ACSM6: variants seen among roughly 807,000 people sequenced by gnomAD.
ACSM6 encodes acyl-CoA synthetase medium chain family member 6, also known as acyl-coenzyme A synthetase ACSM6, mitochondrial.
ACSM6 carries 35 observed loss-of-function variants against 51.1 expected under a neutral mutation model. That is an observed-to-expected ratio of 0.69 (90% confidence interval 0.52 to 0.91). The LOEUF is 0.91. Ranked by LOEUF, ACSM6 falls within the 40% of genes least tolerant of loss-of-function variation. The pLI is 0.00. For synonymous variants in ACSM6, 172 were observed against 207.3 expected (o/e 0.83, Z 1.46); for missense variants, 509 against 584.1 (o/e 0.87, Z 1.32).
At chr10:95,210,525 T>G in intron 4 of ACSM6, 125 bp from the exon 5 acceptor site, 4 of 1,038,878 alleles carry the variant, frequency 3.9e-6, no homozygotes, top group African/African-American at 1.6e-5. Flanking sequence ...TAACAAATAA[T>G]CCTCAAATAT....
rs1564587296 is a variant in ACSM6, at chr10:95,203,992, T to C, written c.403+1797T>C. Reference sequence around the variant, plus strand: ...ACCCTACCCTCAGGCCTATCCAGGCTCCCAGTGTTTCCCCAGTTCCCAATG... The same window carrying C: ...ACCCTACCCTCAGGCCTATCCAGGCCCCCAGTGTTTCCCCAGTTCCCAATG... On this transcript the variant is annotated intron_variant, in intron 3 of 10. Coordinates refer to ENST00000341686, the Ensembl canonical transcript of ACSM6. Among the ~76,000 whole-genome samples, 9 of 151,602 alleles carry C rather than the reference T, an allele frequency of 5.9e-5. No individual in the cohort carries two copies. In the South Asian group the frequency reaches 1.0e-3, roughly 18 times the overall value.
chr10:95,210,831 G>A (rs2034886423), intron 5 of ACSM6, 38 bp downstream of exon 5: 1 of 1,590,536 alleles, frequency 6.3e-7, no homozygotes, highest in Admixed American at 1.8e-5. Flanking sequence ...CCTGAAAGTT[G>A]TTCTCTTGCA....
intron 10 of ACSM6, among the ~76,000 whole-genome samples, chr10:95,226,985 CA>C (rs887685955): frequency 6.9e-5 from 9 of 131,250 alleles, no homozygotes; most frequent in Admixed American, 3.2e-4. Context: ...TCTTATATGA[CA>C]ACTTTTTTTT....
intron 9 of ACSM6, among the ~76,000 whole-genome samples, chr10:95,223,459 C>A (rs2035012466): frequency 1.3e-5 from 2 of 152,056 alleles, no homozygotes. Flanking sequence ...GCCAACCTAA[C>A]AAGGAACATA....
intron 3 of ACSM6, among the ~76,000 whole-genome samples, chr10:95,202,450 C>T (rs767201526): frequency 5.9e-5 from 9 of 152,252 alleles, no homozygotes; most frequent in African/African-American, 9.6e-5. Context: ...AGAACTGTTA[C>T]GGTCCAGTCT....
intron 9 of ACSM6, 24 bp downstream of exon 9, chr10:95,219,995 T>C (rs1409071214): frequency 1.0e-5 from 16 of 1,543,246 alleles, no homozygotes; most frequent in South Asian, 2.3e-5. Context: ...GTAATGATTA[T>C]GACAGATATT....
At chr10:95,214,861 C>G in exon 8 of ACSM6, 1 of 1,551,342 alleles carries the variant, frequency 6.4e-7, no homozygotes, top group Non-Finnish European at 8.7e-7. Flanking sequence ...GCTACAGATT[C>G]AAGAGTCTGA....
chr10:95,210,587 C>G, intron 4 of ACSM6, 63 bp from the exon 5 acceptor site: 6 of 1,528,774 alleles, frequency 3.9e-6, no homozygotes, highest in Non-Finnish European at 5.3e-6. Context: ...AAACCCAGGG[C>G]CTAGGCACTT....
chr10:95,228,637 C>G lies in ACSM6; in HGVS notation c.1303-7C>G. 6.5e-7 allele frequency: 1 copy of G among 1,549,800 alleles called. No individual in the cohort carries two copies. The highest frequency in any genetic ancestry group is 8.7e-7 in the Non-Finnish European group (1 of 1,146,138). ...AATGTAGGTTTCTGGATTCATCATT[C>G]TATCAGGTGAGCTGGGAGGAATATG... is the stretch of plus-strand genomic sequence containing the variant. On this transcript the variant is annotated splice_polypyrimidine_tract_variant and splice_region_variant and intron_variant, in intron 10 of 10. Coordinates refer to ENST00000341686, the Ensembl canonical transcript of ACSM6.
chr10:95,206,922 T>C (rs2034843769), intron 3 of ACSM6, among the ~76,000 whole-genome samples: 1 of 152,206 alleles, frequency 6.6e-6, no homozygotes, highest in Non-Finnish European at 1.5e-5. Flanking sequence ...TTAGGCTATA[T>C]TTCAAGTAAC....
At chr10:95,201,985 G>A (rs2034797875) in exon 3 of ACSM6, 1 of 1,551,448 alleles carries the variant, frequency 6.4e-7, no homozygotes, top group Non-Finnish European at 8.7e-7. Flanking sequence ...CCCTGCCTAG[G>A]ACGGACTCAG....
intron 5 of ACSM6, among the ~76,000 whole-genome samples, chr10:95,211,192 T>C (rs955033989): frequency 6.6e-6 from 1 of 152,244 alleles, no homozygotes; most frequent in Non-Finnish European, 1.5e-5. Context: ...AGTCAGCCTC[T>C]AAGATGAAAA....
intron 10 of ACSM6, among the ~76,000 whole-genome samples, chr10:95,227,908 A>C (rs1213939293): frequency 2.6e-5 from 4 of 152,114 alleles, no homozygotes; most frequent in African/African-American, 9.7e-5. Context: ...TCTCTACTAA[A>C]AATACAAAAA....
intron 8 of ACSM6, among the ~76,000 whole-genome samples, chr10:95,218,024 A>G (rs1164460346): frequency 6.6e-6 from 1 of 152,238 alleles, no homozygotes. Context: ...GACTCATTGC[A>G]TTGTATTTCC....
chr10:95,194,356 A>T, intron 1 of ACSM6, 53 bp downstream of exon 1: 1 of 815,148 alleles, frequency 1.2e-6, no homozygotes, highest in Non-Finnish European at 1.9e-6. Context: ...TGTTGCTTGT[A>T]CTCATAAGGA....
intron 2 of ACSM6, among the ~76,000 whole-genome samples, chr10:95,195,952 T>C (rs574644618): frequency 4.0e-5 from 6 of 151,556 alleles, no homozygotes; most frequent in Admixed American, 2.0e-4. Flanking sequence ...CTGAAGGACT[T>C]TGGGGTGCTT....
intron 9 of ACSM6, among the ~76,000 whole-genome samples, chr10:95,222,725 C>T (rs1406048769): frequency 6.6e-6 from 1 of 151,734 alleles, no homozygotes. Context: ...CCAAGGGGTA[C>T]AAAATTTCAG....
chr10:95,194,438 T>C, intron 1 of ACSM6, 27 bp from the exon 2 acceptor site: 1 of 1,507,678 alleles, frequency 6.6e-7, no homozygotes, highest in Non-Finnish European at 9.0e-7. Context: ...GCTCAATTAC[T>C]CCCTGTCTTT....
intron 7 of ACSM6, among the ~76,000 whole-genome samples, chr10:95,213,460 G>A (rs995723037): frequency 6.6e-6 from 1 of 152,012 alleles, no homozygotes; most frequent in Non-Finnish European, 1.5e-5. Flanking sequence ...ATGATATTGG[G>A]GTGGGATTAT....
Sources: allele counts gnomAD v4.1 joint callset (sites outside exome capture counted in the v4.1 genomes callset), GRCh38; gene constraint gnomAD v4.1.1; transcripts MANE v1.5; gene names NCBI Gene and HGNC (gene_info 2026-07-23, HGNC 2026-07-21).